The following GDA variants were observed in gnomAD, a reference collection of about 807,000 sequenced individuals.
GDA encodes the protein guanine deaminase, also known as cytoplasmic PSD-95 interactor.
GDA carries 18 observed loss-of-function variants against 59.6 expected under a neutral mutation model. That is an observed-to-expected ratio of 0.30 (90% CI 0.21 to 0.45). The LOEUF (loss-of-function observed/expected upper bound fraction) is 0.45. GDA is among the 20% of genes least tolerant of loss of function. The pLI is 1.00. For missense variants in GDA, 427 were observed against 552.3 expected, an observed-to-expected ratio of 0.77 and a Z score of 2.27; for synonymous variants, 201 against 201.1, an observed-to-expected ratio of 1.00 and a Z score of 0.00.
chr9:72,235,955 C>A (rs1011322686), intron 10 of GDA, among the ~76,000 whole-genome samples: 1 of 152,104 alleles, frequency 6.6e-6, no homozygotes, highest in Admixed American at 6.5e-5. Flanking sequence ...ATACATGGAG[C>A]CAGTGCCTCA....
In GDA at chr9:72,250,827, A is replaced by G. The variant is rs1467464306; in HGVS notation, c.*2485A>G. ...TAATGTTCCATGGTATTTTCAACGG[A>G]ATACACTTTGAAAGGTAAAAACAAT... is the stretch of plus-strand genomic sequence containing the variant. On this transcript the variant is annotated 3_prime_UTR_variant, in exon 14 of 14. Coordinates refer to ENST00000358399, the MANE Select transcript of GDA (RefSeq NM_004293.5). 2.5e-6 allele frequency: 4 copies of G among 1,610,122 alleles called. No homozygotes were observed. The highest frequency in any genetic ancestry group is 3.4e-6 in the Non-Finnish European group (4 of 1,177,630).
intron 10 of GDA, among the ~76,000 whole-genome samples, chr9:72,237,071 C>T (rs142056243): frequency 2.6e-5 from 4 of 151,982 alleles, no homozygotes; most frequent in East Asian, 1.9e-4. Context: ...TAAGCCACCA[C>T]GCCTGGCACA....
At chr9:72,158,146 CT>C (rs919580760) in intron 1 of GDA, among the ~76,000 whole-genome samples, 4 of 152,236 alleles carry the variant, frequency 2.6e-5, no homozygotes, top group South Asian at 2.1e-4. Context: ...TTCCTCTGTT[CT>C]TCCATAAAAT....
chr9:72,125,570 A>G (rs1825817688), intron 1 of GDA, among the ~76,000 whole-genome samples: 1 of 152,170 alleles, frequency 6.6e-6, no homozygotes, highest in Admixed American at 6.5e-5. Flanking sequence ...AAAATCATGT[A>G]CTTAGAATTA....
At chr9:72,117,896 G>T (rs1226674027) in intron 1 of GDA, among the ~76,000 whole-genome samples, 1 of 152,212 alleles carries the variant, frequency 6.6e-6, no homozygotes, top group Non-Finnish European at 1.5e-5. Context: ...GCTACTCCGG[G>T]ATAATTCTAG....
chr9:72,126,785 T>A (rs1356493147), intron 1 of GDA, among the ~76,000 whole-genome samples: 2 of 152,070 alleles, frequency 1.3e-5, no homozygotes, highest in Non-Finnish European at 2.9e-5. Flanking sequence ...CAGGCTGGTC[T>A]TGAGCGCCTG....
rs139095028 is a variant in GDA, at chr9:72,162,511, A to T, written c.123+12829A>T. The stretch of plus-strand genomic sequence containing the variant: ...AGGCCTATGCAAAGACCCAGAGGGG[A>T]GGAGGAACCAGGAACCAGGTGGCAA... On this transcript the variant is annotated intron_variant, in intron 1 of 13. Coordinates refer to ENST00000358399, the MANE Select transcript of GDA (RefSeq NM_004293.5). Among the ~76,000 whole-genome samples the T allele has an allele frequency of 1.0e-3, 154 of 152,132 alleles. 1 individual carries two copies. Among genetic ancestry groups the T allele is most frequent in the African/African-American group, 3.7e-3 (152 of 41,522 alleles).
At chr9:72,135,762 C>T (rs1158598252) in intron 1 of GDA, among the ~76,000 whole-genome samples, 2 of 152,040 alleles carry the variant, frequency 1.3e-5, no homozygotes, top group East Asian at 3.9e-4. Context: ...AGGCACCCCC[C>T]ACTATGCCTA....
rs182659999 is a variant in GDA, at chr9:72,180,085, G to A, written c.124-15415G>A. ...TTTTTTTAAAAATGGCCATCCGGGC[G>A]CGGTGGCTCACACCTGTAATCCCAG... On this transcript the variant is annotated intron_variant, in intron 1 of 13. Coordinates refer to ENST00000358399, the MANE Select transcript of GDA (RefSeq NM_004293.5). Among the ~76,000 whole-genome samples, 50 of 152,188 alleles carry A rather than the reference G, an allele frequency of 3.3e-4. No homozygotes were observed. In the East Asian group the frequency reaches 5.2e-3, roughly 16 times the overall value.
intron 1 of GDA, among the ~76,000 whole-genome samples, chr9:72,130,817 A>G (rs10735613): frequency 0.76 from 115,801 of 152,130 alleles, 44,171 homozygotes; most frequent in Middle Eastern, 0.8. Context: ...GGATATGGGG[A>G]AAATAATCCA....
chr9:72,162,505 G>C (rs1304237135), intron 1 of GDA, among the ~76,000 whole-genome samples: 2 of 152,074 alleles, frequency 1.3e-5, no homozygotes, highest in African/African-American at 4.8e-5. Flanking sequence ...CAAAGACCCA[G>C]AGGGGAGGAG....
intron 1 of GDA, among the ~76,000 whole-genome samples, chr9:72,150,424 C>G (rs1028268476): frequency 6.6e-6 from 1 of 152,064 alleles, no homozygotes; most frequent in South Asian, 2.1e-4. Flanking sequence ...TTGAATGTAT[C>G]TTTTACACTT....
chr9:72,241,421 A>C, intron 11 of GDA, 123 bp downstream of exon 11: 18 of 666,464 alleles, frequency 2.7e-5, no homozygotes, highest in Non-Finnish European at 3.6e-5. Context: ...ATCACATCTC[A>C]TGTAACATAC....
intron 9 of GDA, among the ~76,000 whole-genome samples, chr9:72,230,502 ATATATAT>A (rs1838213229): frequency 7.3e-6 from 1 of 137,410 alleles, no homozygotes; most frequent in African/African-American, 2.8e-5. Context: ...AAAAAAAAAA[ATATATAT>A]ATATATATAT....
At chr9:72,259,750 G>A (rs1176843316), downstream of GDA, among the ~76,000 whole-genome samples, 1 of 152,192 alleles carries the variant, frequency 6.6e-6, no homozygotes, top group Non-Finnish European at 1.5e-5. Flanking sequence ...TTTCTGCTCA[G>A]GTTGAAGAAT....
intron 1 of GDA, among the ~76,000 whole-genome samples, chr9:72,160,490 C>T (rs909821355): frequency 6.6e-6 from 1 of 152,144 alleles, no homozygotes; most frequent in African/African-American, 2.4e-5. Context: ...AATACATAAC[C>T]TTTTGTGTCT....
chr9:72,213,225 GC>G (rs1835609342), intron 4 of GDA, among the ~76,000 whole-genome samples: 1 of 152,082 alleles, frequency 6.6e-6, no homozygotes, highest in Non-Finnish European at 1.5e-5. Flanking sequence ...CCCAGATCAC[GC>G]CACTGCACTC....
intron 1 of GDA, among the ~76,000 whole-genome samples, chr9:72,124,460 C>A (rs934937225): frequency 8.5e-5 from 13 of 152,126 alleles, no homozygotes; most frequent in Non-Finnish European, 2.9e-5. Flanking sequence ...GTCTTTAGAA[C>A]CAATGAGAAC....
In GDA at chr9:72,230,985, T is replaced by C. The variant is rs561764912; in HGVS notation, c.921-129T>C. On this transcript the variant is annotated intron_variant, in intron 9 of 13. Transcript: ENST00000358399. The stretch of plus-strand genomic sequence containing the variant: ...GGATGGTCTGATTTGACTAATATGT[T>C]TGTGTCAACATTAGAGCCGATATAT... The C allele has an allele frequency of 3.7e-4, 264 of 704,128 alleles. No individual in the cohort carries two copies. In the African/African-American group the frequency reaches 4.1e-3, roughly 11 times the overall value. The allele number at this position is 704,128 out of a possible 1,614,324, so 43.6% of individuals were successfully genotyped here. A position where few individuals can be genotyped will look rare whatever the true frequency, so the allele number is the denominator to read the frequency against.
Sources: gnomAD v4.1 joint callset for allele counts (sites outside exome capture counted in the v4.1 genomes callset) on GRCh38, gnomAD v4.1.1 for gene constraint, MANE v1.5 for transcripts, NCBI Gene and HGNC (gene_info 2026-07-23, HGNC 2026-07-21) for gene names.